The following NKTR variants were observed in gnomAD, a reference collection of about 807,000 sequenced individuals.
NKTR encodes natural killer cell triggering receptor, also known as NK-tumor recognition protein.
A neutral mutation model predicts 156.3 loss-of-function variants in NKTR; 67 were observed. That is an observed-to-expected ratio of 0.43 (90% CI 0.35 to 0.53). NKTR has a LOEUF of 0.53. Ranked by LOEUF, NKTR falls within the 20% of genes least tolerant of loss-of-function variation. The probability of loss-of-function intolerance (pLI) is 0.01; values close to 1 mark genes in which losing one functional copy is unlikely to be tolerated. For synonymous variants in NKTR, 640 were observed against 596.6 expected, an observed-to-expected ratio of 1.07 and a Z score of -1.06; for missense variants, 1,604 against 1,730.9, an observed-to-expected ratio of 0.93 and a Z score of 1.30.
At position 42,635,211 on chromosome 3, in the gene NKTR, G is replaced by T; in HGVS notation, c.1018-10G>T. The T allele has an allele frequency of 1.2e-6, 2 of 1,605,458 alleles. No individual in the cohort carries two copies. Among genetic ancestry groups the T allele is most frequent in the Non-Finnish European group, 1.7e-6 (2 of 1,177,016 alleles). On this transcript the variant is annotated splice_polypyrimidine_tract_variant and intron_variant, in intron 11 of 16. Coordinates refer to ENST00000232978, the MANE Select transcript of NKTR (RefSeq NM_005385.4). Reference sequence around the variant, plus strand: ...CATTTTTTAAAATACTATTGTTTTTGTTTTTAAAGCGCTATCACACACCTC... The same window carrying T: ...CATTTTTTAAAATACTATTGTTTTTTTTTTTAAAGCGCTATCACACACCTC...
Position 42,638,017 on chromosome 3 carries a change from A to G in NKTR, c.2313A>G (p.Lys771=), listed in dbSNP as rs768742778. 1 of 1,614,206 alleles carries G rather than the reference A, an allele frequency of 6.2e-7. No homozygotes were observed. Among genetic ancestry groups the G allele is most frequent in the East Asian group, 2.2e-5 (1 of 44,882 alleles). ...GGAAAAAAAATAGCGTTTCACATAA[A>G]AAGCATAGCAGCAGCTCTGAAAAGA... ...SSGKKNSVSH[K]KHSSSSEKTL... Residue 771 remains lysine (K), a synonymous_variant, in exon 13 of 17, where the codon AAA becomes AAG. Coordinates refer to ENST00000232978, the MANE Select transcript of NKTR (RefSeq NM_005385.4).
chr3:42,612,380 AAG>A (rs778000575), intron 2 of NKTR: 1 of 152,158 alleles, frequency 6.6e-6, no homozygotes, highest in Non-Finnish European at 1.5e-5. Flanking sequence ...ATTCAAAAGA[AAG>A]AACATTTTCA....
intron 2 of NKTR, among the ~76,000 whole-genome samples, chr3:42,605,057 A>G (rs927242313): frequency 2.6e-5 from 4 of 152,160 alleles, no homozygotes; most frequent in East Asian, 1.9e-4. Flanking sequence ...GGGTACATAC[A>G]TATTTAGGAT....
chr3:42,613,039 G>A (rs1706992983), intron 2 of NKTR, among the ~76,000 whole-genome samples: 1 of 151,988 alleles, frequency 6.6e-6, no homozygotes. Flanking sequence ...TATTTATTGA[G>A]CACCTAACTG....
intron 11 of NKTR, 119 bp from the exon 12 acceptor site, chr3:42,635,102 A>AACTT: frequency 1.6e-6 from 1 of 642,270 alleles, no homozygotes; most frequent in Non-Finnish European, 2.5e-6. Context: ...TCCTTTTGGT[A>AACTT]ACTTCAATCA....
chr3:42,641,422 C>T (rs1407272547), intron 13 of NKTR, among the ~76,000 whole-genome samples: 1 of 152,108 alleles, frequency 6.6e-6, no homozygotes, highest in East Asian at 1.9e-4. Context: ...TCCTGAATGA[C>T]AGGCCTAAAG....
Position 42,619,064 on chromosome 3 carries a change from A to C in NKTR, c.178A>C (p.Lys60Gln). Residue 60 changes from lysine (K) to glutamine (Q), a missense_variant, in exon 4 of 17, where the codon AAA (lysine) becomes CAA (glutamine). By Grantham distance (53) the Lys-to-Gln change is moderately conservative. This residue lies in a region of NKTR where 73 missense variants were observed against 90.7 expected (regional missense o/e 0.80). Coordinates refer to ENST00000232978, the MANE Select transcript of NKTR (RefSeq NM_005385.4). ...AACAACTGGGAAGAAGTTATGTTAT[A>C]AAGGTTCTACGTTCCATCGTGTGGT... The part of the protein sequence containing the change: ...GKTTGKKLCY[K>Q]GSTFHRVVKN... 3 of 1,608,740 alleles carry C rather than the reference A, an allele frequency of 1.9e-6. No homozygotes were observed. The highest frequency in any genetic ancestry group is 2.5e-6 in the Non-Finnish European group (3 of 1,178,090).
chr3:42,619,312 A>G, intron 4 of NKTR, 185 bp downstream of exon 4: 1 of 1,374,588 alleles, frequency 7.3e-7, no homozygotes, highest in Non-Finnish European at 9.4e-7. Context: ...CACGTAAGAC[A>G]TTTTATTTTG....
chr3:42,622,987 T>C (rs947901795), intron 6 of NKTR, among the ~76,000 whole-genome samples: 1 of 152,078 alleles, frequency 6.6e-6, no homozygotes, highest in Non-Finnish European at 1.5e-5. Context: ...CTTCTTGATA[T>C]TGTTACATAC....
At chr3:42,615,018 A>G (rs902250174) in intron 2 of NKTR, among the ~76,000 whole-genome samples, 1 of 152,078 alleles carries the variant, frequency 6.6e-6, no homozygotes, top group East Asian at 1.9e-4. Flanking sequence ...TCGGAGGGCA[A>G]AAGACTTTTT....
intron 4 of NKTR, 63 bp from the exon 5 acceptor site, chr3:42,619,601 A>G (rs954422585): frequency 2.5e-6 from 4 of 1,596,454 alleles, no homozygotes; most frequent in Non-Finnish European, 3.4e-6. Flanking sequence ...GCTATCAAAA[A>G]TGATTTCTGT....
In NKTR at chr3:42,604,659, C is replaced by CTTTTTTTTTTTTTTTTTTTTTT. The variant is rs71072726; in HGVS notation, c.58+3613_58+3634dup. On this transcript the variant is annotated intron_variant, in intron 2 of 16. Transcript: ENST00000232978. ...AATTGTGGATTTATCTATTTCTCTCCTTTTTTTTTTTTTTTTTTTTTTTTT... is the reference window on the plus strand; with the variant it reads ...AATTGTGGATTTATCTATTTCTCTCCTTTTTTTTTTTTTTTTTTTTTTTTTTTTTTTTTTTTTTTTTTTTTTT... Among the ~76,000 whole-genome samples, 6 of 45,294 alleles carry CTTTTTTTTTTTTTTTTTTTTTT rather than the reference C, an allele frequency of 1.3e-4. 3 individuals are homozygous for CTTTTTTTTTTTTTTTTTTTTTT. The highest frequency in any genetic ancestry group is 2.4e-4 in the Non-Finnish European group (6 of 25,130). 29.7% of individuals were successfully genotyped at this position (45,294 alleles called of 152,430 possible). A position where few individuals can be genotyped will look rare whatever the true frequency, so the allele number is the denominator to read the frequency against.
In NKTR at chr3:42,618,882, C is replaced by G. The variant is rs942817976; in HGVS notation, c.134-138C>G. On this transcript the variant is annotated intron_variant, in intron 3 of 16. Coordinates refer to ENST00000232978, the MANE Select transcript of NKTR (RefSeq NM_005385.4). Reference sequence around the variant, plus strand: ...CGTGCATGTGTGTATGTTAAATTATCATGTCATCTATTTCTTATATCTCTT... The same window carrying G: ...CGTGCATGTGTGTATGTTAAATTATGATGTCATCTATTTCTTATATCTCTT... 5 of 680,138 alleles carry G rather than the reference C, an allele frequency of 7.4e-6. No individual in the cohort carries two copies. The African/African-American group carries it at 9.1e-5, about 12-fold the overall frequency. 42.1% of individuals were successfully genotyped at this position (680,138 alleles called of 1,614,324 possible).
chr3:42,624,198 C>T (rs746141144), intron 6 of NKTR, among the ~76,000 whole-genome samples: 5 of 151,356 alleles, frequency 3.3e-5, no homozygotes, highest in African/African-American at 1.2e-4. Context: ...GTAATTTTTA[C>T]AGTAACTTTA....
At chr3:42,629,531 C>T (rs1458098756) in intron 6 of NKTR, 4 of 983,576 alleles carry the variant, frequency 4.1e-6, no homozygotes, top group Non-Finnish European at 3.6e-6. Context: ...AAAATGAATA[C>T]AGAAATTTAT....
Position 42,647,516 on chromosome 3 carries a change from C to T in NKTR, c.*1541C>T, listed in dbSNP as rs558477469. 1.3e-5 allele frequency: 2 copies of T among 151,690 alleles called. No individual in the cohort carries two copies. Among genetic ancestry groups the T allele is most frequent in the East Asian group, 1.9e-4 (1 of 5,164 alleles). 9.4% of individuals were successfully genotyped at this position (151,690 alleles called of 1,614,324 possible). On this transcript the variant is annotated 3_prime_UTR_variant, in exon 17 of 17. Coordinates refer to ENST00000232978, the MANE Select transcript of NKTR (RefSeq NM_005385.4). ...ACAACCCTTGGTGGAGGGAGGGTGC[C>T]CTTGAATGTATTAAAACTATCACCC...
intron 2 of NKTR, among the ~76,000 whole-genome samples, chr3:42,603,714 A>G (rs1385841534): frequency 3.3e-5 from 5 of 151,340 alleles, no homozygotes; most frequent in African/African-American, 1.2e-4. Flanking sequence ...TATTAACTAA[A>G]TAGTGGATTT....
Position 42,637,155 on chromosome 3 carries a change from G to A in NKTR, c.1451G>A (p.Ser484Asn). ...AAATCCTCTTGTGATAGAGAAAGGA[G>A]TTCTCGTTCTTCCTCATTGTCATCT... ...RMKSSCDRER[S>N]SRSSSLSSHH... is the part of the protein sequence containing the mutation. The change falls in exon 13 of 17, where the codon AGT (serine) becomes AAT (asparagine). Residue 484 changes from serine to asparagine, a missense_variant. Physicochemically the swap from Ser to Asn is conservative, Grantham distance 46 (BLOSUM62 1). This residue lies in a region of NKTR where 1,255 missense variants were observed against 1,243.7 expected (regional missense o/e 1.01). Coordinates refer to ENST00000232978, the MANE Select transcript of NKTR (RefSeq NM_005385.4). The A allele has an allele frequency of 1.2e-6, 2 of 1,612,032 alleles. No homozygotes were observed. Among genetic ancestry groups the A allele is most frequent in the Non-Finnish European group, 1.7e-6 (2 of 1,179,480 alleles).
At chr3:42,601,921 T>TG (rs1164212284) in intron 2 of NKTR, 1 of 152,166 alleles carries the variant, frequency 6.6e-6, no homozygotes, top group Non-Finnish European at 1.5e-5. Context: ...TATATTCTAT[T>TG]GGGGGGAAGA....
Sources: allele counts gnomAD v4.1 joint callset (sites outside exome capture counted in the v4.1 genomes callset), GRCh38; gene constraint gnomAD v4.1.1; regional missense constraint gnomAD v4.1.1; transcripts MANE v1.5; gene names NCBI Gene and HGNC (gene_info 2026-07-23, HGNC 2026-07-21).